NIM1K: variants seen among roughly 807,000 people sequenced by gnomAD.
NIM1K encodes the protein serine/threonine-protein kinase NIM1.
In NIM1K, 35 loss-of-function variants were observed where a neutral mutation model predicts 37.1. The observed-to-expected ratio is 0.94, with a 90% CI of 0.72 to 1.25. NIM1K has a LOEUF of 1.25. Ranked by LOEUF, NIM1K falls within the 50% of genes most tolerant of loss-of-function variation. NIM1K has a pLI of 0.00. For synonymous variants in NIM1K, 234 were observed against 206.6 expected (o/e 1.13, Z -1.14); for missense variants, 564 against 548.0 (o/e 1.03, Z -0.29).
intron 1 of NIM1K, among the ~76,000 whole-genome samples, chr5:43,206,156 G>T (rs1226218409): frequency 1.2e-4 from 19 of 152,114 alleles, no homozygotes; most frequent in Admixed American, 1.2e-3. Flanking sequence ...TTTATACTCT[G>T]TCGGTTCAAA....
rs1345255960 is a variant in NIM1K at position 43,215,576 on chromosome 5, G to A, written c.-695+23165G>A. ...ATCATCCTGAGTAGCTGGAATCATA[G>A]GCGTGCGCCACCACGCCCAGCTAAT... On this transcript the variant is annotated intron_variant, in intron 1 of 3. Transcript: ENST00000326035. Among the ~76,000 whole-genome samples the A allele has an allele frequency of 2.0e-5, 3 of 152,222 alleles. No homozygotes were observed. In the East Asian group the frequency reaches 5.8e-4, roughly 29 times the overall value.
At chr5:43,197,437 G>A (rs1453649607) in intron 1 of NIM1K, among the ~76,000 whole-genome samples, 4 of 152,110 alleles carry the variant, frequency 2.6e-5, no homozygotes, top group East Asian at 1.9e-4. Flanking sequence ...GAGCCACCAC[G>A]CCTGGCCAAA....
At chr5:43,207,695 T>C (rs1477058734) in intron 1 of NIM1K, 2 of 524,740 alleles carry the variant, frequency 3.8e-6, no homozygotes, top group Non-Finnish European at 7.4e-6. Context: ...GAATTCTTCA[T>C]AGAACAGTTG....
chr5:43,257,362 CTTTTTT>C (rs36108441), intron 2 of NIM1K, among the ~76,000 whole-genome samples: 1 of 58,800 alleles, frequency 1.7e-5, no homozygotes, highest in East Asian at 4.0e-4. Context: ...TAAAGTGACT[CTTTTTT>C]TTTTTTTTTT....
At chr5:43,255,754 A>AAAAAAAGAAAG (rs112325348) in intron 2 of NIM1K, among the ~76,000 whole-genome samples, 2 of 131,808 alleles carry the variant, frequency 1.5e-5, no homozygotes, top group South Asian at 2.5e-4. Flanking sequence ...TCTCAAAAAA[A>AAAAAAAGAAAG]AAAGAAAGAA....
intron 1 of NIM1K, chr5:43,232,515 C>T: frequency 1.9e-6 from 3 of 1,559,280 alleles, no homozygotes; most frequent in South Asian, 2.2e-5. Context: ...GTTGGGCGTT[C>T]AGTATCAAGG....
At chr5:43,202,755 C>T (rs746046588) in intron 1 of NIM1K, among the ~76,000 whole-genome samples, 18 of 145,764 alleles carry the variant, frequency 1.2e-4, no homozygotes, top group Non-Finnish European at 2.1e-4. Flanking sequence ...AGTGTGAAAA[C>T]GGGTGTGCTG....
chr5:43,211,169 C>T (rs1219614177), intron 1 of NIM1K, among the ~76,000 whole-genome samples: 1 of 151,326 alleles, frequency 6.6e-6, no homozygotes, highest in Non-Finnish European at 1.5e-5. Context: ...GAGAACCTTT[C>T]TCAAAAAAGA....
intron 3 of NIM1K, among the ~76,000 whole-genome samples, chr5:43,278,062 T>C (rs1318811704): frequency 6.6e-6 from 1 of 151,048 alleles, no homozygotes; most frequent in Non-Finnish European, 1.5e-5. Context: ...TTTTTTTTTT[T>C]TTAGACAGAG....
chr5:43,220,053 T>A (rs556564507), intron 1 of NIM1K, among the ~76,000 whole-genome samples: 31 of 152,310 alleles, frequency 2.0e-4, no homozygotes, highest in African/African-American at 6.7e-4. Context: ...ATACGATTTT[T>A]AAATTTTGAT....
At chr5:43,276,937 C>T in intron 2 of NIM1K, 120 bp from the exon 3 acceptor site, 3 of 972,718 alleles carry the variant, frequency 3.1e-6, no homozygotes, top group Admixed American at 2.2e-5. Context: ...CTGATGAGCT[C>T]TCTCAGCTTG....
In NIM1K at chr5:43,245,154, T is replaced by A. The variant is rs1752756894; in HGVS notation, c.-622T>A. ...TCATCTAAATAAAGGCCGGCTAAAG[T>A]GACATTGCAGGGATTAAATCCTTCT... On this transcript the variant is annotated 5_prime_UTR_variant, in exon 2 of 4. Transcript: ENST00000326035. The A allele has an allele frequency of 6.6e-6, 1 of 152,250 alleles. No individual in the cohort carries two copies. The allele number at this position is 152,250 out of a possible 1,614,324, so 9.4% of individuals were successfully genotyped here.
At chr5:43,253,175 T>C (rs1436545044) in intron 2 of NIM1K, among the ~76,000 whole-genome samples, 2 of 145,444 alleles carry the variant, frequency 1.4e-5, no homozygotes, top group Non-Finnish European at 3.0e-5. Context: ...TAATATAATA[T>C]ATAATGTAAT....
At chr5:43,248,912 T>C (rs1161467965) in intron 2 of NIM1K, among the ~76,000 whole-genome samples, 3 of 151,730 alleles carry the variant, frequency 2.0e-5, no homozygotes, top group Non-Finnish European at 4.4e-5. Flanking sequence ...TCTCACCTTG[T>C]CACCGAGGCT....
intron 2 of NIM1K, among the ~76,000 whole-genome samples, chr5:43,259,075 C>T (rs563553146): frequency 1.3e-5 from 2 of 152,286 alleles, no homozygotes; most frequent in South Asian, 4.1e-4. Context: ...CAAGTTGCTG[C>T]AAAATACATT....
intron 2 of NIM1K, among the ~76,000 whole-genome samples, chr5:43,257,117 A>G (rs963782296): frequency 6.6e-6 from 1 of 152,012 alleles, no homozygotes; most frequent in Non-Finnish European, 1.5e-5. Flanking sequence ...GAGGCTAGGG[A>G]GATGAACACA....
chr5:43,195,874 A>C (rs895177208), intron 1 of NIM1K, among the ~76,000 whole-genome samples: 1 of 152,168 alleles, frequency 6.6e-6, no homozygotes, highest in Non-Finnish European at 1.5e-5. Flanking sequence ...AATAGAAAGA[A>C]AGTAAAAGCG....
At chr5:43,215,610 G>T (rs1233310789) in intron 1 of NIM1K, among the ~76,000 whole-genome samples, 1 of 152,132 alleles carries the variant, frequency 6.6e-6, no homozygotes, top group Non-Finnish European at 1.5e-5. Flanking sequence ...ATTTTTGTAT[G>T]TTTAGTAGAG....
At chr5:43,233,792 G>A (rs752414038) in intron 1 of NIM1K, among the ~76,000 whole-genome samples, 14 of 152,220 alleles carry the variant, frequency 9.2e-5, no homozygotes, top group Non-Finnish European at 1.8e-4. Context: ...GAGTGTTCCC[G>A]CACCGTTTCC....
Sources: gnomAD v4.1 joint callset for allele counts (sites outside exome capture counted in the v4.1 genomes callset) on GRCh38, gnomAD v4.1.1 for gene constraint, MANE v1.5 for transcripts, NCBI Gene and HGNC (gene_info 2026-07-23, HGNC 2026-07-21) for gene names.